The following USP20 variants were observed in gnomAD, a reference collection of about 807,000 sequenced individuals.
USP20 encodes ubiquitin specific peptidase 20, also known as ubiquitin carboxyl-terminal hydrolase 20.
In USP20, 80 loss-of-function variants were observed where a neutral mutation model predicts 124.2. The observed-to-expected ratio is 0.64, with a 90% confidence interval of 0.54 to 0.78. USP20 has a LOEUF of 0.78. Among genes scored for constraint, USP20 ranks in the 30% least tolerant of loss-of-function variants. USP20 has a pLI of 0.00. For missense variants in USP20, 1,043 were observed against 1,244.4 expected (o/e 0.84, Z 2.44); for synonymous variants, 481 against 512.3 (o/e 0.94, Z 0.83).
rs1181941784 is a variant in USP20, at chr9:129,878,402, T to C, written c.2474T>C (p.Phe825Ser). Residue 825 changes from phenylalanine (F) to serine (S), a missense_variant, in exon 23 of 26, where the codon TTC (phenylalanine) becomes TCC (serine). Phe to Ser is a radical substitution (Grantham distance 155). Coordinates refer to ENST00000372429, the MANE Select transcript of USP20 (RefSeq NM_001110303.4). The part of the protein sequence containing the change: ...GVIYCISMQW[F>S]REWEAFVKGK... ...ATCTACTGCATCAGCATGCAGTGGT[T>C]CCGGGAGTGGGAGGCGTTCGTCAAG... 21 of 1,610,494 alleles carry C rather than the reference T, an allele frequency of 1.3e-5. No individual in the cohort carries two copies. The highest frequency in any genetic ancestry group is 1.8e-5 in the Non-Finnish European group (21 of 1,178,350).
At position 129,861,595 on chromosome 9, in the gene USP20, G is replaced by T; in HGVS notation, c.480G>T (p.Leu160=). The change falls in exon 8 of 26, where the codon CTG becomes CTT. Residue 160 remains leucine (L), a synonymous_variant. Coordinates refer to ENST00000372429, the MANE Select transcript of USP20 (RefSeq NM_001110303.4). ...LGNSCYMNAA[L]QALSNCPPLT... ...ACTCCTGCTACATGAACGCTGCCCT[G>T]CAGGCCCTGTCCAATTGGTAGGTCG... is the stretch of plus-strand genomic sequence containing the variant. 1 of 1,614,112 alleles carries T rather than the reference G, an allele frequency of 6.2e-7. No homozygotes were observed. Among genetic ancestry groups the T allele is most frequent in the Non-Finnish European group, 8.5e-7 (1 of 1,180,014 alleles).
At chr9:129,861,725 C>A in intron 8 of USP20, 113 bp downstream of exon 8, 2 of 915,842 alleles carry the variant, frequency 2.2e-6, no homozygotes, top group Non-Finnish European at 1.7e-6. Context: ...GGATGCACAG[C>A]AAAATGCCTG....
intron 3 of USP20, among the ~76,000 whole-genome samples, chr9:129,854,646 G>A (rs201021223): frequency 1.3e-5 from 2 of 151,748 alleles, no homozygotes; most frequent in Admixed American, 1.3e-4. Context: ...AACTGAAATG[G>A]AAAAAAAACT....
At chr9:129,870,731 G>A (rs1020892416) in intron 15 of USP20, among the ~76,000 whole-genome samples, 184 bp downstream of exon 15, 2 of 152,232 alleles carry the variant, frequency 1.3e-5, no homozygotes, top group East Asian at 1.9e-4. Context: ...CCAGGGCCAT[G>A]TGCTATCCCA....
intron 10 of USP20, 62 bp downstream of exon 10, chr9:129,865,443 C>T: frequency 2.5e-6 from 4 of 1,584,806 alleles, no homozygotes; most frequent in Non-Finnish European, 3.5e-6. Flanking sequence ...CTGACTTTGA[C>T]GCCAAAACCA....
chr9:129,872,005 C>G (rs55889663), intron 15 of USP20, among the ~76,000 whole-genome samples: 1 of 151,770 alleles, frequency 6.6e-6, no homozygotes, highest in South Asian at 2.1e-4. Context: ...CGTGAGCCAC[C>G]GCACCCAGCC....
intron 19 of USP20, 53 bp downstream of exon 19, chr9:129,875,008 G>C (rs1489758347): frequency 1.9e-5 from 30 of 1,596,272 alleles, no homozygotes; most frequent in Non-Finnish European, 2.6e-5. Context: ...CGTCCCCTGG[G>C]ACCCATGGGC....
intron 1 of USP20, among the ~76,000 whole-genome samples, chr9:129,843,931 G>A (rs2032383888): frequency 6.6e-6 from 1 of 152,172 alleles, no homozygotes; most frequent in Middle Eastern, 3.4e-3. Context: ...GCCAGGCTTG[G>A]TAGTGCATGC....
At chr9:129,838,026 A>G (rs1161196685) in intron 1 of USP20, among the ~76,000 whole-genome samples, 2 of 150,946 alleles carry the variant, frequency 1.3e-5, no homozygotes, top group East Asian at 1.9e-4. Flanking sequence ...TGGAGAAGCC[A>G]TGCACGTTGA....
At chr9:129,855,696 G>A (rs7858463) in intron 3 of USP20, among the ~76,000 whole-genome samples, 133,493 of 152,206 alleles carry the variant, frequency 0.88, 58,932 homozygotes, top group East Asian at 1. Context: ...GCTGGAAAAC[G>A]TCATCTGCAG....
At position 129,868,150 on chromosome 9, in the gene USP20, CAGA is replaced by C; in HGVS notation, c.840_842del (p.Glu280del). The C allele has an allele frequency of 6.2e-7, 1 of 1,614,120 alleles. No individual in the cohort carries two copies. The highest frequency in any genetic ancestry group is 8.5e-7 in the Non-Finnish European group (1 of 1,180,002). On this transcript the variant is annotated inframe_deletion, in exon 11 of 26. Coordinates refer to ENST00000372429, the MANE Select transcript of USP20 (RefSeq NM_001110303.4). ...AAACGGGAGGGTGACCGGAGCCCAT[CAGA>C]AGATGAGTTCTTGTCCTGTGACTCG...
chr9:129,868,064 G>C lies in USP20; in HGVS notation c.750G>C (p.Pro250=). 6.2e-7 allele frequency: 1 copy of C among 1,614,116 alleles called. No individual in the cohort carries two copies. Among genetic ancestry groups the C allele is most frequent in the Non-Finnish European group, 8.5e-7 (1 of 1,180,004 alleles). The stretch of plus-strand genomic sequence containing the variant: ...AGCTGCACGAGGAGCTCAAGGAGCC[G>C]GTGGTGGCCACGGTGGCGCTGACGG... The part of the protein sequence containing the change: ...MDQLHEELKE[P]VVATVALTEA... Residue 250 remains proline, a synonymous_variant, in exon 11 of 26, where the codon CCG becomes CCC. Transcript: ENST00000372429.
chr9:129,879,441 C>G lies in USP20; in HGVS notation c.2513-132C>G. 1 of 808,226 alleles carries G rather than the reference C, an allele frequency of 1.2e-6. No individual in the cohort carries two copies. Among genetic ancestry groups the G allele is most frequent in the South Asian group, 1.6e-5 (1 of 61,838 alleles). The allele number at this position is 808,226 out of a possible 1,614,324, so 50.1% of individuals were successfully genotyped here. On this transcript the variant is annotated intron_variant, in intron 23 of 25. Transcript: ENST00000372429. This position sits in a 1 kb window ranked among gnomAD's most constrained non-coding sequence, Gnocchi z 4.2. Reference sequence around the variant, plus strand: ...TGCCACAGAGGAGCATTGGGTGGCTCAGGCGCCTCATCCATTAGAGACTTC... The same window carrying G: ...TGCCACAGAGGAGCATTGGGTGGCTGAGGCGCCTCATCCATTAGAGACTTC...
chr9:129,856,257 G>A (rs371369574), intron 3 of USP20, 50 bp from the exon 4 acceptor site: 27 of 1,584,510 alleles, frequency 1.7e-5, no homozygotes, highest in East Asian at 6.7e-5. Context: ...GCTCAGCCCC[G>A]CAACGGGCTC....
At chr9:129,861,109 T>A (rs1392204571) in intron 7 of USP20, 76 bp downstream of exon 7, 1 of 1,357,180 alleles carries the variant, frequency 7.4e-7, no homozygotes, top group African/African-American at 1.4e-5. Context: ...ACCGCCAGAG[T>A]CTTGGTCTCT....
intron 3 of USP20, among the ~76,000 whole-genome samples, chr9:129,854,780 C>T (rs779648770): frequency 8.3e-4 from 126 of 152,302 alleles, no homozygotes; most frequent in Admixed American, 1.9e-3. Flanking sequence ...CAGCATCCTC[C>T]GTGAGAGACC....
rs1356337835 is a variant in USP20 at position 129,869,365 on chromosome 9, C to T, written c.1332C>T (p.Val444=). The T allele has an allele frequency of 1.5e-5, 24 of 1,613,618 alleles. No individual in the cohort carries two copies. The South Asian group carries it at 2.5e-4, about 17-fold the overall frequency. ...RRRKEQRYRS[V]ISDIFDGSIL... Reference sequence around the variant, plus strand: ...GGAAGGAGCAGCGCTACCGCAGCGTCATCTCAGACATCTTTGACGGCTCCA... The same window carrying T: ...GGAAGGAGCAGCGCTACCGCAGCGTTATCTCAGACATCTTTGACGGCTCCA... The change falls in exon 13 of 26, where the codon GTC becomes GTT. Residue 444 remains valine, a synonymous_variant. Transcript: ENST00000372429.
chr9:129,840,777 T>G (rs2032158807), intron 1 of USP20, among the ~76,000 whole-genome samples: 1 of 150,454 alleles, frequency 6.6e-6, no homozygotes, highest in African/African-American at 2.4e-5. Context: ...TTTTTTTTTT[T>G]TTTTTTTTTT....
chr9:129,841,842 TG>T (rs1337567703), intron 1 of USP20, among the ~76,000 whole-genome samples: 1 of 152,100 alleles, frequency 6.6e-6, no homozygotes, highest in Admixed American at 6.6e-5. Context: ...TCCCCTGCGG[TG>T]TGTCTGACTC....
Sources: gnomAD v4.1 joint callset for allele counts (sites outside exome capture counted in the v4.1 genomes callset) on GRCh38, gnomAD v4.1.1 for gene constraint, Gnocchi (gnomAD v3.1) non-coding constraint, MANE v1.5 for transcripts, NCBI Gene and HGNC (gene_info 2026-07-23, HGNC 2026-07-21) for gene names.